XIRP2: variants seen among roughly 807,000 people sequenced by gnomAD.
XIRP2 encodes the protein xin actin-binding repeat-containing protein 2.
A neutral mutation model predicts 277.0 loss-of-function variants in XIRP2; 236 were observed. The ratio of observed to expected loss-of-function variants is 0.85; its 90% CI spans 0.77 to 0.95. The LOEUF is 0.95. XIRP2 is among the 40% of genes least tolerant of loss of function. The pLI, the probability that XIRP2 is intolerant of heterozygous loss-of-function variation, is 0.00. For synonymous variants in XIRP2, 1,490 were observed against 1,416.5 expected (o/e 1.05, Z -1.17); for missense variants, 4,640 against 4,157.5 (o/e 1.12, Z -3.19).
At chr2:167,061,610 A>C (rs1392209766) in intron 2 of XIRP2, among the ~76,000 whole-genome samples, 1 of 152,072 alleles carries the variant, frequency 6.6e-6, no homozygotes, top group Non-Finnish European at 1.5e-5. Flanking sequence ...TACAGTTCTC[A>C]TCAAGCAAAG....
intron 2 of XIRP2, among the ~76,000 whole-genome samples, chr2:167,025,139 A>T (rs1313628967): frequency 6.6e-6 from 1 of 151,972 alleles, no homozygotes; most frequent in Non-Finnish European, 1.5e-5. Context: ...AGATCCTGTT[A>T]TTGGTCTATT....
At chr2:167,048,227 T>C (rs1035340900) in intron 2 of XIRP2, among the ~76,000 whole-genome samples, 1 of 151,982 alleles carries the variant, frequency 6.6e-6, no homozygotes, top group Non-Finnish European at 1.5e-5. Context: ...ATTCTCTACT[T>C]CATTCAGATT....
In XIRP2 at chr2:166,909,179, T is replaced by A. The variant is rs530478399; in HGVS notation, c.408+5289T>A. Among the ~76,000 whole-genome samples, 98 of 152,344 alleles carry A rather than the reference T, an allele frequency of 6.4e-4. 3 individuals carry two copies. The highest frequency in any genetic ancestry group is 2.2e-3 in the African/African-American group (92 of 41,580). On this transcript the variant is annotated intron_variant, in intron 2 of 10. Coordinates refer to ENST00000409195, the MANE Select transcript of XIRP2 (RefSeq NM_152381.6). ...AAAGTCATTGGTAGCTTGATGGGGA[T>A]GGCATTGAATCTATAAATTACCTTG...
chr2:166,952,275 T>A (rs938197028), intron 2 of XIRP2, among the ~76,000 whole-genome samples: 40 of 152,128 alleles, frequency 2.6e-4, no homozygotes, highest in Middle Eastern at 3.4e-3. Flanking sequence ...ATCCCTAATC[T>A]TTTTATACTA....
At chr2:166,910,074 T>C (rs938041518) in intron 2 of XIRP2, among the ~76,000 whole-genome samples, 5 of 152,200 alleles carry the variant, frequency 3.3e-5, no homozygotes, top group African/African-American at 4.8e-5. Context: ...TAAAATTCTC[T>C]TTTGTTGTTG....
chr2:167,105,981 C>T lies in XIRP2; in HGVS notation c.409-29928C>T, dbSNP rs375940903. 9.2e-5 allele frequency among the ~76,000 whole-genome samples: 14 copies of T among 151,466 alleles called. No homozygotes were observed. The East Asian group carries it at 2.7e-3, about 30-fold the overall frequency. ...GGTTAAATGCCTCTTAAGACTTTTG[C>T]CCACTTTCTGCTTGGATTGTTTTTG... is the stretch of plus-strand genomic sequence containing the variant. On this transcript the variant is annotated intron_variant, in intron 2 of 10. Coordinates refer to ENST00000409195, the MANE Select transcript of XIRP2 (RefSeq NM_152381.6).
intron 3 of XIRP2, among the ~76,000 whole-genome samples, chr2:167,143,176 G>A (rs1691770174): frequency 6.6e-6 from 1 of 152,050 alleles, no homozygotes. Flanking sequence ...CTGCCCCTGT[G>A]CTTGGCACTG....
intron 2 of XIRP2, among the ~76,000 whole-genome samples, chr2:167,008,468 C>T (rs1317570860): frequency 1.3e-5 from 2 of 151,574 alleles, no homozygotes; most frequent in African/African-American, 4.8e-5. Context: ...GGTCTTTCCA[C>T]TCCCCCATTT....
intron 2 of XIRP2, among the ~76,000 whole-genome samples, chr2:166,936,310 T>C (rs1449790730): frequency 4.6e-5 from 7 of 152,224 alleles, no homozygotes; most frequent in African/African-American, 1.2e-4. Context: ...TTCTGGATAT[T>C]AGCCCTTTGT....
At position 167,242,915 on chromosome 2, in the gene XIRP2, A is replaced by C. The variant is rs757720448; in HGVS notation, c.1523A>C (p.Glu508Ala). The C allele has an allele frequency of 6.2e-7, 1 of 1,613,664 alleles. No individual in the cohort carries two copies. Among genetic ancestry groups the C allele is most frequent in the Non-Finnish European group, 8.5e-7 (1 of 1,179,904 alleles). The change falls in exon 9 of 11, where the codon GAG (glutamate) becomes GCG (alanine). Residue 508 changes from glutamate to alanine, a missense_variant. Coordinates refer to ENST00000409195, the MANE Select transcript of XIRP2 (RefSeq NM_152381.6). ...CGTTTATATAAACACATCCATCCTG[A>C]GTTAAGAAAAAACTTAGAAAAAGAT... ...LNRLYKHIHPELRKNLEKDYI... is the reference protein window; with the variant it reads ...LNRLYKHIHPALRKNLEKDYI...
intron 2 of XIRP2, among the ~76,000 whole-genome samples, chr2:167,058,216 C>T (rs1343502151): frequency 6.6e-6 from 1 of 151,696 alleles, no homozygotes; most frequent in South Asian, 2.1e-4. Flanking sequence ...AAAGGCACCA[C>T]CATGTTTGGC....
intron 3 of XIRP2, among the ~76,000 whole-genome samples, chr2:167,147,843 C>T (rs75138337): frequency 3.0e-4 from 46 of 151,996 alleles, no homozygotes; most frequent in African/African-American, 9.9e-4. Flanking sequence ...AGGCTGGACA[C>T]GGGGATTTAA....
intron 2 of XIRP2, among the ~76,000 whole-genome samples, chr2:166,905,899 A>G (rs1684505241): frequency 6.6e-6 from 1 of 152,026 alleles, no homozygotes; most frequent in African/African-American, 2.4e-5. Context: ...ATTTCACCCC[A>G]TAGCATATTG....
intron 1 of XIRP2, among the ~76,000 whole-genome samples, chr2:166,899,879 T>G (rs1684336200): frequency 6.6e-6 from 1 of 152,086 alleles, no homozygotes; most frequent in African/African-American, 2.4e-5. Flanking sequence ...TACCGTCCTA[T>G]GCCACCGCGC....
chr2:167,156,280 G>A (rs1050547262), intron 3 of XIRP2, among the ~76,000 whole-genome samples: 3 of 152,082 alleles, frequency 2.0e-5, no homozygotes, highest in Non-Finnish European at 4.4e-5. Flanking sequence ...AAAAGAGCCC[G>A]CATTGCCAAG....
chr2:166,899,886 G>A (rs543983908), intron 1 of XIRP2, among the ~76,000 whole-genome samples: 31 of 152,126 alleles, frequency 2.0e-4, no homozygotes, highest in Middle Eastern at 3.4e-3. Context: ...CTATGCCACC[G>A]CGCAACGTGA....
intron 2 of XIRP2, among the ~76,000 whole-genome samples, chr2:166,909,224 G>C (rs1050286085): frequency 6.6e-6 from 1 of 152,118 alleles, no homozygotes; most frequent in African/African-American, 2.4e-5. Flanking sequence ...GGATTTTCAT[G>C]ATATTGATTC....
intron 2 of XIRP2, among the ~76,000 whole-genome samples, chr2:167,134,489 C>T (rs949514507): frequency 6.6e-6 from 1 of 151,994 alleles, no homozygotes; most frequent in Non-Finnish European, 1.5e-5. Flanking sequence ...TCAAACTTGA[C>T]TCACTCATGT....
At chr2:167,085,671 T>G (rs1252744575) in intron 2 of XIRP2, among the ~76,000 whole-genome samples, 1 of 152,166 alleles carries the variant, frequency 6.6e-6, no homozygotes, top group Non-Finnish European at 1.5e-5. Context: ...CTCTTGTTGT[T>G]GAATTGATCC....
Sources: gnomAD v4.1 joint callset for allele counts (sites outside exome capture counted in the v4.1 genomes callset) on GRCh38, gnomAD v4.1.1 for gene constraint, MANE v1.5 for transcripts, NCBI Gene and HGNC (gene_info 2026-07-23, HGNC 2026-07-21) for gene names.